The following CSMD1 variants were observed in gnomAD, a reference collection of about 807,000 sequenced individuals.
CSMD1 encodes CUB and sushi domain-containing protein 1.
CSMD1 carries 213 observed loss-of-function variants against 417.5 expected under a neutral mutation model. The ratio of observed to expected loss-of-function variants is 0.51; its 90% CI spans 0.46 to 0.57. The LOEUF (loss-of-function observed/expected upper bound fraction) is 0.57, where lower values mean the gene tolerates loss of function less well. Among genes scored for constraint, CSMD1 ranks in the 20% least tolerant of loss-of-function variants. The pLI is 0.00. For synonymous variants in CSMD1, 2,862 were observed against 1,736.8 expected (o/e 1.65, Z -16.11); for missense variants, 6,923 against 4,529.7 (o/e 1.53, Z -15.17).
At chr8:4,631,838 G>A (rs1011011164) in intron 2 of CSMD1, among the ~76,000 whole-genome samples, 1 of 152,154 alleles carries the variant, frequency 6.6e-6, no homozygotes, top group Non-Finnish European at 1.5e-5. Context: ...ACGAACTCGA[G>A]ATAAATGCCA....
chr8:4,654,013 A>G (rs762286158), intron 1 of CSMD1, among the ~76,000 whole-genome samples: 12 of 152,150 alleles, frequency 7.9e-5, no homozygotes, highest in Non-Finnish European at 1.6e-4. Flanking sequence ...GGTTGGTTGT[A>G]AACCTGAATT....
intron 2 of CSMD1, among the ~76,000 whole-genome samples, chr8:4,532,106 C>A (rs182239993): frequency 2.7e-5 from 4 of 146,076 alleles, no homozygotes; most frequent in African/African-American, 7.7e-5. Context: ...AATCCTGCAC[C>A]GCCATTCACA....
At chr8:3,293,453 T>C (rs774411810) in intron 25 of CSMD1, among the ~76,000 whole-genome samples, 21 of 152,238 alleles carry the variant, frequency 1.4e-4, no homozygotes, top group African/African-American at 4.8e-4. Flanking sequence ...CCTGTCACTT[T>C]TAGGTACACC....
At chr8:4,234,020 C>G (rs1801897061) in intron 3 of CSMD1, among the ~76,000 whole-genome samples, 1 of 152,062 alleles carries the variant, frequency 6.6e-6, no homozygotes, top group Admixed American at 6.6e-5. Flanking sequence ...GTTCTGGCAT[C>G]TGGTTAAGAG....
chr8:4,605,533 A>C (rs1029094734), intron 2 of CSMD1, among the ~76,000 whole-genome samples: 6 of 152,244 alleles, frequency 3.9e-5, no homozygotes, highest in African/African-American at 1.4e-4. Context: ...TAACAGAAAA[A>C]TTACAATTAC....
chr8:4,152,352 A>G (rs1796610305), intron 3 of CSMD1, among the ~76,000 whole-genome samples: 2 of 152,162 alleles, frequency 1.3e-5, no homozygotes, highest in Admixed American at 6.5e-5. Flanking sequence ...GTAGACACGT[A>G]AGCAGGAATG....
At chr8:4,354,382 T>A (rs1801275929) in intron 3 of CSMD1, among the ~76,000 whole-genome samples, 1 of 152,190 alleles carries the variant, frequency 6.6e-6, no homozygotes, top group Non-Finnish European at 1.5e-5. Flanking sequence ...GGTCATTTCG[T>A]AACTATTAAA....
chr8:4,256,560 T>C (rs1043718539), intron 3 of CSMD1, among the ~76,000 whole-genome samples: 3 of 152,158 alleles, frequency 2.0e-5, no homozygotes, highest in Non-Finnish European at 4.4e-5. Flanking sequence ...TTTACTTTTA[T>C]CTTTAAAACC....
intron 26 of CSMD1, among the ~76,000 whole-genome samples, chr8:3,267,528 C>A (rs939809553): frequency 6.6e-6 from 1 of 152,132 alleles, no homozygotes; most frequent in Non-Finnish European, 1.5e-5. Context: ...AGGAGAGAAT[C>A]CAGGCAGATG....
At chr8:3,055,441 C>A (rs1056743235) in intron 49 of CSMD1, among the ~76,000 whole-genome samples, 4 of 152,190 alleles carry the variant, frequency 2.6e-5, no homozygotes, top group African/African-American at 9.7e-5. Flanking sequence ...TATAACACTT[C>A]TGATTTAATG....
At chr8:3,015,826 C>A (rs1384116986) in intron 52 of CSMD1, among the ~76,000 whole-genome samples, 1 of 152,086 alleles carries the variant, frequency 6.6e-6, no homozygotes, top group Non-Finnish European at 1.5e-5. Flanking sequence ...AAAGCAATAG[C>A]AAGACTGATA....
intron 3 of CSMD1, among the ~76,000 whole-genome samples, chr8:4,377,201 G>A (rs1379534580): frequency 2.6e-5 from 4 of 152,118 alleles, no homozygotes; most frequent in Non-Finnish European, 4.4e-5. Flanking sequence ...TCTTTTGGAA[G>A]GGCTGAGAGC....
At chr8:3,459,393 C>G (rs7013944) in intron 12 of CSMD1, among the ~76,000 whole-genome samples, 1 of 151,464 alleles carries the variant, frequency 6.6e-6, no homozygotes, top group Non-Finnish European at 1.5e-5. Context: ...CCTTCTCATA[C>G]AACTTCCTTG....
intron 8 of CSMD1, among the ~76,000 whole-genome samples, chr8:3,606,763 T>C (rs57075479): frequency 6.6e-6 from 1 of 150,702 alleles, no homozygotes; most frequent in Non-Finnish European, 1.5e-5. Context: ...CAGGCTGGGG[T>C]ACAGTGGCGT....
rs76920725 is a variant in CSMD1 at position 4,960,359 on chromosome 8, T to C, written c.85+33973A>G. Among the ~76,000 whole-genome samples, 153 of 152,302 alleles carry C rather than the reference T, an allele frequency of 1.0e-3. 3 individuals are homozygous for C. The East Asian group carries it at 0.013, about 12-fold the overall frequency. ...ATCTTACTTAGAAGAGAATAAGAAA[T>C]ATCACTATGATGATGTAAATTTGAG... On this transcript the variant is annotated intron_variant, in intron 1 of 69. Coordinates refer to ENST00000635120, the MANE Select transcript of CSMD1 (RefSeq NM_033225.6).
At chr8:4,155,784 A>G (rs780379336) in intron 3 of CSMD1, among the ~76,000 whole-genome samples, 1 of 152,168 alleles carries the variant, frequency 6.6e-6, no homozygotes, top group Non-Finnish European at 1.5e-5. Flanking sequence ...TAATTTGTGT[A>G]TTAAGAGCCA....
intron 3 of CSMD1, among the ~76,000 whole-genome samples, chr8:4,377,918 G>A (rs147649180): frequency 2.0e-5 from 3 of 152,164 alleles, no homozygotes; most frequent in Non-Finnish European, 4.4e-5. Context: ...TACTTAAATT[G>A]GGAGGTACTT....
chr8:4,329,112 A>T (rs1799720912), intron 3 of CSMD1, among the ~76,000 whole-genome samples: 1 of 152,218 alleles, frequency 6.6e-6, no homozygotes, highest in Non-Finnish European at 1.5e-5. Context: ...TTGCGTCTAC[A>T]GACTGTATGG....
At chr8:3,048,313 C>T (rs529584340) in intron 50 of CSMD1, among the ~76,000 whole-genome samples, 73 of 151,870 alleles carry the variant, frequency 4.8e-4, no homozygotes, top group Middle Eastern at 3.4e-3. Context: ...AAAAAGTGTC[C>T]GATACATCAT....
Sources: allele counts gnomAD v4.1 joint callset (sites outside exome capture counted in the v4.1 genomes callset), GRCh38; gene constraint gnomAD v4.1.1; transcripts MANE v1.5; gene names NCBI Gene and HGNC (gene_info 2026-07-23, HGNC 2026-07-21).